CSMD3: variants seen among roughly 807,000 people sequenced by gnomAD.
CSMD3 encodes the protein CUB and sushi domain-containing protein 3.
Under a neutral mutation model 435.2 loss-of-function variants are expected in CSMD3, and 177 were observed. That is an observed-to-expected ratio of 0.41 (90% CI 0.36 to 0.46). The LOEUF is 0.46. CSMD3 is among the 20% of genes least tolerant of loss of function. CSMD3 has a pLI of 0.34. For missense variants in CSMD3, 4,265 were observed against 4,504.6 expected (o/e 0.95, Z 1.52); for synonymous variants, 1,656 against 1,520.5 (o/e 1.09, Z -2.07).
At chr8:113,268,341 T>C (rs536137569) in intron 3 of CSMD3, among the ~76,000 whole-genome samples, 7 of 149,422 alleles carry the variant, frequency 4.7e-5, no homozygotes, top group Admixed American at 3.3e-4. Flanking sequence ...TCAATTTTAT[T>C]GTTTCTCAGA....
At chr8:112,410,606 A>ATATATATATATGTATATATATATGTGTG (rs1563912810) in intron 32 of CSMD3, among the ~76,000 whole-genome samples, 2 of 53,086 alleles carry the variant, frequency 3.8e-5, no homozygotes, top group African/African-American at 2.0e-4. Flanking sequence ...ATATATGTGT[A>ATATATATATATGTATATATATATGTGTG]TATATATATG....
intron 7 of CSMD3, among the ~76,000 whole-genome samples, chr8:112,969,891 T>C (rs1175862218): frequency 2.0e-5 from 3 of 151,982 alleles, no homozygotes; most frequent in Non-Finnish European, 4.4e-5. Context: ...TAATAAAATA[T>C]GACAAATAAC....
At chr8:112,529,084 TAAAC>T (rs1825272264) in intron 27 of CSMD3, among the ~76,000 whole-genome samples, 3 of 151,954 alleles carry the variant, frequency 2.0e-5, no homozygotes, top group South Asian at 4.2e-4. Context: ...AAACAACAAA[TAAAC>T]AAACAAAATC....
chr8:113,404,613 T>G (rs1225236041), intron 1 of CSMD3, among the ~76,000 whole-genome samples: 1 of 151,412 alleles, frequency 6.6e-6, no homozygotes, highest in African/African-American at 2.4e-5. Context: ...GAGCAGGATA[T>G]ATGTTCATTC....
intron 22 of CSMD3, among the ~76,000 whole-genome samples, chr8:112,629,907 G>A (rs1044953443): frequency 6.6e-5 from 10 of 151,992 alleles, no homozygotes; most frequent in East Asian, 1.9e-4. Context: ...CATCTTCCTC[G>A]CAGATTCACC....
chr8:113,037,800 AC>A (rs978287728), intron 5 of CSMD3, among the ~76,000 whole-genome samples: 2 of 152,322 alleles, frequency 1.3e-5, no homozygotes, highest in South Asian at 2.1e-4. Context: ...ACAAAAAAAA[AC>A]AAAACAGAAA....
chr8:113,067,758 A>G (rs2088924394), intron 5 of CSMD3, among the ~76,000 whole-genome samples: 1 of 152,094 alleles, frequency 6.6e-6, no homozygotes, highest in South Asian at 2.1e-4. Context: ...TTTATTTCTT[A>G]TAAGTTCAGC....
intron 13 of CSMD3, among the ~76,000 whole-genome samples, chr8:112,735,621 C>T (rs1281200979): frequency 1.3e-5 from 2 of 152,016 alleles, no homozygotes; most frequent in Non-Finnish European, 2.9e-5. Flanking sequence ...ACAAATAATA[C>T]TTGCTGATCC....
chr8:112,331,160 G>T (rs1334194242), intron 45 of CSMD3, among the ~76,000 whole-genome samples: 1 of 151,956 alleles, frequency 6.6e-6, no homozygotes, highest in East Asian at 1.9e-4. Context: ...GCTATACAAA[G>T]TCACTGCAAA....
chr8:112,895,799 G>A (rs180868322), intron 10 of CSMD3, among the ~76,000 whole-genome samples: 8 of 151,400 alleles, frequency 5.3e-5, no homozygotes, highest in African/African-American at 9.7e-5. Context: ...TTAGAAGAGC[G>A]GTCAAGGTTA....
intron 45 of CSMD3, among the ~76,000 whole-genome samples, chr8:112,335,068 C>A (rs1455710669): frequency 6.6e-6 from 1 of 152,108 alleles, no homozygotes; most frequent in Admixed American, 6.6e-5. Flanking sequence ...GGTTTTCATG[C>A]AGAAATGATT....
chr8:113,223,905 A>T (rs1401733054), intron 3 of CSMD3, among the ~76,000 whole-genome samples: 3 of 151,108 alleles, frequency 2.0e-5, no homozygotes, highest in African/African-American at 7.3e-5. Context: ...GTATACAAGT[A>T]ATTCCAAGGA....
chr8:112,381,155 A>G (rs533659307), intron 37 of CSMD3, among the ~76,000 whole-genome samples: 42 of 151,632 alleles, frequency 2.8e-4, no homozygotes, highest in African/African-American at 1.0e-3. Context: ...AAAGTTAGAC[A>G]GCTAGATAGA....
chr8:113,228,918 A>G (rs2093055818), intron 3 of CSMD3, among the ~76,000 whole-genome samples: 2 of 151,624 alleles, frequency 1.3e-5, no homozygotes, highest in African/African-American at 2.4e-5. Flanking sequence ...TTTAGTGCCC[A>G]TCCATGCAAA....
At chr8:113,117,802 A>C (rs2090879763) in intron 4 of CSMD3, among the ~76,000 whole-genome samples, 1 of 152,210 alleles carries the variant, frequency 6.6e-6, no homozygotes, top group African/African-American at 2.4e-5. Context: ...TGGAGCTTTA[A>C]AATTTGACTA....
chr8:112,994,587 A>G (rs2085575489), intron 6 of CSMD3, among the ~76,000 whole-genome samples: 1 of 151,654 alleles, frequency 6.6e-6, no homozygotes, highest in African/African-American at 2.4e-5. Context: ...TCACAATAAT[A>G]TTACAGATTA....
chr8:112,726,914 T>TAA (rs2131993527), intron 13 of CSMD3, among the ~76,000 whole-genome samples: 1 of 151,932 alleles, frequency 6.6e-6, no homozygotes, highest in South Asian at 2.1e-4. Context: ...AATGGGAATA[T>TAA]GATTCAAGAG....
At chr8:113,051,851 A>G (rs114940768) in intron 5 of CSMD3, among the ~76,000 whole-genome samples, 196 of 152,312 alleles carry the variant, frequency 1.3e-3, no homozygotes, top group African/African-American at 4.4e-3. Context: ...ACTTTTTTCT[A>G]TCAAGGAAAA....
intron 4 of CSMD3, among the ~76,000 whole-genome samples, chr8:113,150,011 T>C (rs1053181495): frequency 6.6e-6 from 1 of 151,896 alleles, no homozygotes; most frequent in Non-Finnish European, 1.5e-5. Flanking sequence ...TTAGGACAAT[T>C]ACAAAATTAA....
Sources: gnomAD v4.1 joint callset for allele counts (sites outside exome capture counted in the v4.1 genomes callset) on GRCh38, gnomAD v4.1.1 for gene constraint, MANE v1.5 for transcripts, NCBI Gene and HGNC (gene_info 2026-07-23, HGNC 2026-07-21) for gene names.